Variants in CTNND2 observed in about 807,000 individuals in gnomAD.
CTNND2 encodes the protein catenin delta 2.
Under a neutral mutation model 144.4 loss-of-function variants are expected in CTNND2, and 22 were observed. That is an observed-to-expected ratio of 0.15 (90% CI 0.11 to 0.22). The LOEUF is 0.22. Among genes scored for constraint, CTNND2 ranks in the 10% least tolerant of loss-of-function variants. The pLI is 1.00. For missense variants in CTNND2, 1,353 were observed against 1,618.8 expected, an observed-to-expected ratio of 0.84 and a Z score of 2.82; for synonymous variants, 751 against 695.6, an observed-to-expected ratio of 1.08 and a Z score of -1.25.
intron 2 of CTNND2, among the ~76,000 whole-genome samples, chr5:11,628,941 G>A (rs935042707): frequency 6.6e-6 from 1 of 152,126 alleles, no homozygotes; most frequent in Non-Finnish European, 1.5e-5. Context: ...TTAGCAATTA[G>A]AAATGTCTAA....
chr5:11,372,353 C>A (rs1757541074), intron 7 of CTNND2, among the ~76,000 whole-genome samples: 1 of 152,136 alleles, frequency 6.6e-6, no homozygotes, highest in African/African-American at 2.4e-5. Flanking sequence ...TTCCTTTGTT[C>A]AGTTCTTTTT....
At chr5:11,248,802 C>T (rs566390048) in intron 9 of CTNND2, among the ~76,000 whole-genome samples, 1 of 152,278 alleles carries the variant, frequency 6.6e-6, no homozygotes, top group African/African-American at 2.4e-5. Context: ...ACAATGTGAA[C>T]CATGAACACA....
intron 2 of CTNND2, among the ~76,000 whole-genome samples, chr5:11,668,117 G>C (rs1252471218): frequency 6.6e-6 from 1 of 152,086 alleles, no homozygotes; most frequent in Non-Finnish European, 1.5e-5. Context: ...CTGTTCCATT[G>C]GTCTATATAT....
chr5:11,439,746 ATC>A (rs1377197542), intron 3 of CTNND2, among the ~76,000 whole-genome samples: 2 of 43,816 alleles, frequency 4.6e-5, no homozygotes, highest in Non-Finnish European at 1.1e-4. Context: ...AGCTATATCT[ATC>A]TATCTATCTA....
intron 20 of CTNND2, among the ~76,000 whole-genome samples, chr5:10,983,122 A>G (rs1361862671): frequency 6.6e-6 from 1 of 152,202 alleles, no homozygotes; most frequent in East Asian, 1.9e-4. Context: ...ACAGTAATTT[A>G]TTGTATATTT....
intron 3 of CTNND2, among the ~76,000 whole-genome samples, chr5:11,417,248 T>C (rs1172118577): frequency 6.6e-6 from 1 of 152,208 alleles, no homozygotes; most frequent in Non-Finnish European, 1.5e-5. Flanking sequence ...GCCAGGGTTA[T>C]GACCTTGGTT....
At chr5:11,084,440 C>G (rs922132398) in intron 15 of CTNND2, among the ~76,000 whole-genome samples, 3 of 152,218 alleles carry the variant, frequency 2.0e-5, no homozygotes, top group Non-Finnish European at 4.4e-5. Flanking sequence ...TGAGCTTATG[C>G]AGCCCACTTA....
intron 9 of CTNND2, among the ~76,000 whole-genome samples, chr5:11,259,725 A>G (rs559243729): frequency 6.6e-5 from 10 of 152,334 alleles, no homozygotes; most frequent in Admixed American, 1.3e-4. Flanking sequence ...AGATAATGCA[A>G]TGTGTCCAAA....
At chr5:11,382,653 A>T (rs1266594803) in intron 7 of CTNND2, among the ~76,000 whole-genome samples, 1 of 144,842 alleles carries the variant, frequency 6.9e-6, no homozygotes, top group African/African-American at 2.7e-5. Flanking sequence ...GTGTAGAATG[A>T]TGAATTAGTG....
chr5:11,047,982 A>C (rs1745448848), intron 16 of CTNND2, among the ~76,000 whole-genome samples: 1 of 152,220 alleles, frequency 6.6e-6, no homozygotes, highest in South Asian at 2.1e-4. Flanking sequence ...GGGTTCCACC[A>C]TTTAGGGAGG....
intron 9 of CTNND2, among the ~76,000 whole-genome samples, chr5:11,284,985 G>T (rs1282578179): frequency 2.0e-5 from 3 of 152,168 alleles, no homozygotes; most frequent in Non-Finnish European, 4.4e-5. Flanking sequence ...CTTTAGTCAG[G>T]TTCCTATAAG....
chr5:11,541,669 C>T (rs111764290), intron 3 of CTNND2, among the ~76,000 whole-genome samples: 31 of 152,280 alleles, frequency 2.0e-4, no homozygotes, highest in African/African-American at 6.0e-4. Flanking sequence ...GCTAAGGGAA[C>T]ATTTAGATAA....
chr5:11,520,569 C>G lies in CTNND2; in HGVS notation c.287+44375G>C, dbSNP rs1299803397. 2.6e-5 allele frequency among the ~76,000 whole-genome samples: 4 copies of G among 152,244 alleles called. No individual in the cohort carries two copies. In the East Asian group the frequency reaches 7.7e-4, roughly 29 times the overall value. ...TGAGAAGCTCACTGTTTATTAGCAT[C>G]AGACCTTGATCTCAATCATAGCAAC... is the stretch of plus-strand genomic sequence containing the variant. On this transcript the variant is annotated intron_variant, in intron 3 of 21. Coordinates refer to ENST00000304623, the MANE Select transcript of CTNND2 (RefSeq NM_001332.4).
At chr5:11,671,834 G>A (rs1290116585) in intron 2 of CTNND2, among the ~76,000 whole-genome samples, 1 of 152,042 alleles carries the variant, frequency 6.6e-6, no homozygotes, top group African/African-American at 2.4e-5. Context: ...GCGAGGAGCT[G>A]TGATCCTTTG....
chr5:11,891,796 C>T (rs1350982554), intron 1 of CTNND2, among the ~76,000 whole-genome samples: 1 of 152,232 alleles, frequency 6.6e-6, no homozygotes, highest in African/African-American at 2.4e-5. Flanking sequence ...CCAACTATGA[C>T]AGTCTTGGAA....
chr5:11,114,323 C>G (rs976197588), intron 13 of CTNND2, among the ~76,000 whole-genome samples: 1 of 151,432 alleles, frequency 6.6e-6, no homozygotes, highest in Non-Finnish European at 1.5e-5. Context: ...CGAGCTGCAG[C>G]TGGGGAGATG....
intron 8 of CTNND2, among the ~76,000 whole-genome samples, chr5:11,355,288 C>T (rs1376904158): frequency 1.3e-5 from 2 of 151,930 alleles, no homozygotes; most frequent in Non-Finnish European, 2.9e-5. Flanking sequence ...AGAAATGCAA[C>T]AGCACATTAA....
chr5:11,675,010 T>C (rs1018318581), intron 2 of CTNND2, among the ~76,000 whole-genome samples: 2 of 152,162 alleles, frequency 1.3e-5, no homozygotes, highest in Non-Finnish European at 2.9e-5. Flanking sequence ...TATTGCTATA[T>C]TCTTTCCAAT....
intron 12 of CTNND2, among the ~76,000 whole-genome samples, chr5:11,140,568 CT>C (rs1254286401): frequency 1.3e-5 from 2 of 152,202 alleles, no homozygotes; most frequent in Admixed American, 6.5e-5. Context: ...GAGAAGACAT[CT>C]GTATCTATAT....
Sources: gnomAD v4.1 joint callset for allele counts (sites outside exome capture counted in the v4.1 genomes callset) on GRCh38, gnomAD v4.1.1 for gene constraint, MANE v1.5 for transcripts, NCBI Gene and HGNC (gene_info 2026-07-23, HGNC 2026-07-21) for gene names.